Variants in KIAA1328 observed in about 807,000 individuals in gnomAD.
The protein encoded by KIAA1328 is protein hinderin.
A neutral mutation model predicts 68.1 loss-of-function variants in KIAA1328; 52 were observed. That is an observed-to-expected ratio of 0.76 (90% CI 0.61 to 0.96). The LOEUF (loss-of-function observed/expected upper bound fraction) is 0.96, where lower values mean the gene tolerates loss of function less well. KIAA1328 is among the 40% of genes least tolerant of loss of function. KIAA1328 has a pLI of 0.00. For synonymous variants in KIAA1328, 232 were observed against 239.4 expected, an observed-to-expected ratio of 0.97 and a Z score of 0.28; for missense variants, 641 against 677.6, an observed-to-expected ratio of 0.95 and a Z score of 0.60.
intron 7 of KIAA1328, among the ~76,000 whole-genome samples, chr18:37,148,812 GTTGT>G (rs369777135): frequency 2.4e-3 from 371 of 152,224 alleles, no homozygotes; most frequent in African/African-American, 8.0e-3. Flanking sequence ...TTTTAATGGG[GTTGT>G]TTGTTTCTTT....
At chr18:36,885,438 A>G (rs1458900997) in intron 4 of KIAA1328, 119 bp from the exon 5 acceptor site, 2 of 545,842 alleles carry the variant, frequency 3.7e-6, no homozygotes, top group Non-Finnish European at 6.4e-6. Flanking sequence ...AACAGAACAG[A>G]GTGTTCCTGA....
At chr18:36,844,094 T>C (rs2046947647) in intron 3 of KIAA1328, 114 bp from the exon 4 acceptor site, 1 of 634,146 alleles carries the variant, frequency 1.6e-6, no homozygotes, top group South Asian at 2.2e-5. Context: ...AACAGGTAGA[T>C]AGTGTTGCAC....
At chr18:36,857,840 T>C (rs2150872850) in intron 4 of KIAA1328, among the ~76,000 whole-genome samples, 1 of 152,322 alleles carries the variant, frequency 6.6e-6, no homozygotes, top group African/African-American at 2.4e-5. Flanking sequence ...TGGTTTCTAA[T>C]TTAATTATTT....
intron 4 of KIAA1328, among the ~76,000 whole-genome samples, chr18:36,877,625 A>G (rs2048176923): frequency 7.3e-6 from 1 of 137,230 alleles, no homozygotes; most frequent in African/African-American, 2.7e-5. Context: ...CAGCACACCG[A>G]TGGGTCTTGA....
chr18:36,956,146 T>C lies in KIAA1328; in HGVS notation c.449-3162T>C, dbSNP rs114288660. Among the ~76,000 whole-genome samples the C allele has an allele frequency of 6.7e-3, 1,023 of 152,318 alleles. 16 individuals are homozygous for C. Among genetic ancestry groups the C allele is most frequent in the African/African-American group, 0.023 (949 of 41,566 alleles). ...GATTTTAAGCTTTACTACATGATTA[T>C]TTTCCACAACCATTTCAGCTAATTA... On this transcript the variant is annotated intron_variant, in intron 5 of 9. Coordinates refer to ENST00000280020, the MANE Select transcript of KIAA1328 (RefSeq NM_020776.3).
intron 7 of KIAA1328, among the ~76,000 whole-genome samples, chr18:37,092,066 G>A (rs755063587): frequency 1.1e-4 from 16 of 152,060 alleles, no homozygotes; most frequent in African/African-American, 2.2e-4. Flanking sequence ...CATGCCATCC[G>A]GTAGCCTGGG....
chr18:37,210,809 T>A lies in KIAA1328; in HGVS notation c.1524-11208T>A, dbSNP rs530136695. Reference sequence around the variant, plus strand: ...TTAAATTGGGTCATTTCTCAAGCTTTGCTTTTTGGAATAATCTTGGGTATT... The same window carrying A: ...TTAAATTGGGTCATTTCTCAAGCTTAGCTTTTTGGAATAATCTTGGGTATT... On this transcript the variant is annotated intron_variant, in intron 9 of 9. Transcript: ENST00000280020. 2.6e-5 allele frequency among the ~76,000 whole-genome samples: 4 copies of A among 152,366 alleles called. No homozygotes were observed. In the South Asian group the frequency reaches 8.3e-4, roughly 32 times the overall value.
intron 6 of KIAA1328, among the ~76,000 whole-genome samples, chr18:37,063,924 G>T (rs2056248218): frequency 6.6e-6 from 1 of 151,770 alleles, no homozygotes; most frequent in Non-Finnish European, 1.5e-5. Flanking sequence ...AAACTTACCT[G>T]TCATTTGAAA....
intron 6 of KIAA1328, among the ~76,000 whole-genome samples, chr18:36,987,448 C>A (rs2052979358): frequency 7.0e-6 from 1 of 143,852 alleles, no homozygotes; most frequent in Non-Finnish European, 1.5e-5. Flanking sequence ...AACTAACCTG[C>A]ACATTGTGCA....
chr18:36,973,450 G>A (rs914487321), intron 6 of KIAA1328, among the ~76,000 whole-genome samples: 3 of 152,050 alleles, frequency 2.0e-5, no homozygotes, highest in African/African-American at 7.2e-5. Flanking sequence ...TTGTGCACAT[G>A]TACCCTAGAA....
At chr18:37,126,601 C>T (rs1483013555) in intron 7 of KIAA1328, among the ~76,000 whole-genome samples, 1 of 152,094 alleles carries the variant, frequency 6.6e-6, no homozygotes, top group Non-Finnish European at 1.5e-5. Context: ...TACTTTCAGA[C>T]TCATTTTGAG....
At chr18:36,988,538 G>A (rs1265058973) in intron 6 of KIAA1328, among the ~76,000 whole-genome samples, 2 of 152,164 alleles carry the variant, frequency 1.3e-5, no homozygotes, top group East Asian at 1.9e-4. Flanking sequence ...ATAAGTGACC[G>A]TTTGGCAAGC....
At chr18:36,913,967 C>T (rs1048682542) in intron 5 of KIAA1328, among the ~76,000 whole-genome samples, 1 of 151,970 alleles carries the variant, frequency 6.6e-6, no homozygotes, top group Non-Finnish European at 1.5e-5. Context: ...GTAGGTTTAT[C>T]CAAAGTAGAT....
intron 6 of KIAA1328, among the ~76,000 whole-genome samples, chr18:36,963,331 A>G (rs2051775279): frequency 6.6e-6 from 1 of 152,180 alleles, no homozygotes; most frequent in Admixed American, 6.5e-5. Context: ...CTGCTCCTGC[A>G]TGACATAGAT....
At chr18:36,964,137 A>G (rs1448481630) in intron 6 of KIAA1328, among the ~76,000 whole-genome samples, 1 of 152,168 alleles carries the variant, frequency 6.6e-6, no homozygotes, top group African/African-American at 2.4e-5. Context: ...GACAAGAAAA[A>G]TTTGAGATAA....
chr18:37,084,895 C>A (rs1241072359), intron 7 of KIAA1328, among the ~76,000 whole-genome samples: 4 of 152,102 alleles, frequency 2.6e-5, no homozygotes, highest in Non-Finnish European at 5.9e-5. Flanking sequence ...CAATCTGGAT[C>A]CTGGAGCTAA....
At chr18:37,095,715 G>T (rs1336125469) in intron 7 of KIAA1328, among the ~76,000 whole-genome samples, 6 of 151,208 alleles carry the variant, frequency 4.0e-5, no homozygotes, top group Non-Finnish European at 8.8e-5. Context: ...TAAAAAAATT[G>T]TATTTTTTGG....
chr18:36,881,358 C>T (rs1177108946), intron 4 of KIAA1328, among the ~76,000 whole-genome samples: 1 of 152,042 alleles, frequency 6.6e-6, no homozygotes, highest in African/African-American at 2.4e-5. Flanking sequence ...AATATCGAAT[C>T]TACCCTATTC....
intron 5 of KIAA1328, chr18:36,902,353 A>C (rs2049068588): frequency 6.6e-6 from 1 of 152,022 alleles, no homozygotes; most frequent in African/African-American, 2.4e-5. Context: ...CTCCCTTTAC[A>C]GATTTCTTCT....
Sources: gnomAD v4.1 joint callset for allele counts (sites outside exome capture counted in the v4.1 genomes callset) on GRCh38, gnomAD v4.1.1 for gene constraint, MANE v1.5 for transcripts, NCBI Gene and HGNC (gene_info 2026-07-23, HGNC 2026-07-21) for gene names.